Variants in TBC1D8 observed in about 807,000 individuals in gnomAD.
TBC1D8 encodes the protein TBC1 domain family member 8.
TBC1D8 carries 65 observed loss-of-function variants against 118.8 expected under a neutral mutation model. The observed-to-expected ratio is 0.55, with a 90% CI of 0.45 to 0.67. TBC1D8 has a LOEUF of 0.67. TBC1D8 is among the 30% of genes least tolerant of loss of function. The pLI is 0.00. For synonymous variants in TBC1D8, 566 were observed against 595.8 expected, an observed-to-expected ratio of 0.95 and a Z score of 0.73; for missense variants, 1,376 against 1,471.2, an observed-to-expected ratio of 0.94 and a Z score of 1.06.
chr2:101,080,122 G>A (rs1336753026), intron 2 of TBC1D8, among the ~76,000 whole-genome samples: 1 of 152,070 alleles, frequency 6.6e-6, no homozygotes, highest in Non-Finnish European at 1.5e-5. Flanking sequence ...GAATGCCTTG[G>A]ATGAGTGTAA....
chr2:101,144,442 C>T (rs1463123600), intron 1 of TBC1D8, among the ~76,000 whole-genome samples: 2 of 152,078 alleles, frequency 1.3e-5, no homozygotes, highest in African/African-American at 4.8e-5. Flanking sequence ...GAGAAAAGTG[C>T]CAACATGCTG....
chr2:101,013,940 G>C (rs1378780305), intron 17 of TBC1D8, among the ~76,000 whole-genome samples: 1 of 152,224 alleles, frequency 6.6e-6, no homozygotes, highest in Non-Finnish European at 1.5e-5. Context: ...AATTATAGCA[G>C]CGAGGCCCTG....
intron 17 of TBC1D8, among the ~76,000 whole-genome samples, chr2:101,013,949 T>G (rs1679425482): frequency 6.6e-6 from 1 of 152,228 alleles, no homozygotes; most frequent in Non-Finnish European, 1.5e-5. Flanking sequence ...AGCGAGGCCC[T>G]GCGCTTGGAT....
chr2:101,008,690 CA>C (rs1678938613), intron 19 of TBC1D8, among the ~76,000 whole-genome samples: 1 of 151,992 alleles, frequency 6.6e-6, no homozygotes. Context: ...CCCATGCCTG[CA>C]ATCCCAGCTA....
At chr2:101,042,546 A>G (rs956794532) in intron 5 of TBC1D8, among the ~76,000 whole-genome samples, 2 of 152,150 alleles carry the variant, frequency 1.3e-5, no homozygotes, top group East Asian at 3.9e-4. Flanking sequence ...TGAATCTAAA[A>G]TGATCCCCAC....
rs1053714722 is a variant in TBC1D8 at position 101,007,564 on chromosome 2, C to T, written c.*257G>A. 3 of 477,722 alleles carry T rather than the reference C, an allele frequency of 6.3e-6. No homozygotes were observed. The South Asian group carries it at 8.6e-5, about 14-fold the overall frequency. The allele number at this position is 477,722 out of a possible 1,614,324, so 29.6% of individuals were successfully genotyped here. A position where few individuals can be genotyped will look rare whatever the true frequency, so the allele number is the denominator to read the frequency against. ...AACACTAGCATCACAGCAGAAGTGC[C>T]CATTTCAGCAAATCCGGTAAAAATT... On this transcript the variant is annotated 3_prime_UTR_variant, in exon 20 of 20. Transcript: ENST00000409318.
chr2:101,028,039 G>A lies in TBC1D8; in HGVS notation c.2451+9C>T. On this transcript the variant is annotated intron_variant, in intron 14 of 19. Coordinates refer to ENST00000409318, the MANE Select transcript of TBC1D8 (RefSeq NM_001330348.2). ...CCGTGATCACCGGGGTGAGGCGTCT[G>A]CTACCCACCACGTTCTGCTTTGTGG... The A allele has an allele frequency of 6.2e-7, 1 of 1,613,586 alleles. No homozygotes were observed. Among genetic ancestry groups the A allele is most frequent in the Non-Finnish European group, 8.5e-7 (1 of 1,179,512 alleles).
At chr2:101,128,119 T>C (rs11679469) in intron 1 of TBC1D8, among the ~76,000 whole-genome samples, 19,784 of 152,236 alleles carry the variant, frequency 0.13, 1,447 homozygotes, top group East Asian at 0.28. Flanking sequence ...AATAGTCCTA[T>C]TCTTTCCCCC....
intron 2 of TBC1D8, among the ~76,000 whole-genome samples, chr2:101,081,349 T>C (rs1384664233): frequency 6.6e-6 from 1 of 152,158 alleles, no homozygotes; most frequent in East Asian, 1.9e-4. Flanking sequence ...GGCACTTTCC[T>C]TTCTTTCTGT....
At chr2:101,009,484 T>G (rs1471673339) in intron 19 of TBC1D8, among the ~76,000 whole-genome samples, 2 of 152,050 alleles carry the variant, frequency 1.3e-5, no homozygotes, top group East Asian at 3.9e-4. Context: ...CCATGGTTAT[T>G]CTGAAAGGAA....
intron 17 of TBC1D8, among the ~76,000 whole-genome samples, chr2:101,015,176 C>T (rs1331606026): frequency 3.3e-5 from 5 of 152,042 alleles, no homozygotes; most frequent in African/African-American, 1.2e-4. Context: ...GCAGCTGGAA[C>T]ACAATGGTAG....
chr2:101,054,852 T>C (rs1416094161), intron 3 of TBC1D8, among the ~76,000 whole-genome samples: 2 of 150,896 alleles, frequency 1.3e-5, no homozygotes, highest in South Asian at 2.1e-4. Flanking sequence ...TGGGCTAATT[T>C]TGTATTTTTA....
rs182640126 is a variant in TBC1D8, at chr2:101,130,060, G to A, written c.127+21067C>T. Among the ~76,000 whole-genome samples, 11 of 152,292 alleles carry A rather than the reference G, an allele frequency of 7.2e-5. No homozygotes were observed. In the East Asian group the frequency reaches 1.7e-3, roughly 24 times the overall value. On this transcript the variant is annotated intron_variant, in intron 1 of 19. Coordinates refer to ENST00000409318, the MANE Select transcript of TBC1D8 (RefSeq NM_001330348.2). Reference sequence around the variant, plus strand: ...TGGTGGGCTCCAAGATCCCAGCAACGACGTTCATCCAGCCATGACCCTCAG... The same window carrying A: ...TGGTGGGCTCCAAGATCCCAGCAACAACGTTCATCCAGCCATGACCCTCAG...
intron 17 of TBC1D8, among the ~76,000 whole-genome samples, chr2:101,014,336 A>G (rs896404561): frequency 1.2e-4 from 18 of 152,260 alleles, no homozygotes; most frequent in Admixed American, 3.9e-4. Context: ...CGAATCAAAC[A>G]TGTCTGGTAT....
chr2:101,102,376 C>T (rs1192845522), intron 1 of TBC1D8, among the ~76,000 whole-genome samples: 1 of 151,892 alleles, frequency 6.6e-6, no homozygotes, highest in Non-Finnish European at 1.5e-5. Flanking sequence ...ATTGCTTGAA[C>T]CTGGGAGGCA....
intron 17 of TBC1D8, among the ~76,000 whole-genome samples, chr2:101,020,378 A>G (rs993451593): frequency 2.6e-5 from 4 of 152,234 alleles, no homozygotes; most frequent in African/African-American, 9.6e-5. Flanking sequence ...CATGCCTTCT[A>G]TGTTAATAGA....
At chr2:101,142,982 A>C (rs1046121121) in intron 1 of TBC1D8, among the ~76,000 whole-genome samples, 2 of 152,176 alleles carry the variant, frequency 1.3e-5, no homozygotes, top group Non-Finnish European at 2.9e-5. Flanking sequence ...ACTAAGAAAC[A>C]AACCATAAAA....
At chr2:101,092,141 T>C (rs1676081093) in intron 1 of TBC1D8, among the ~76,000 whole-genome samples, 1 of 152,262 alleles carries the variant, frequency 6.6e-6, no homozygotes, top group Non-Finnish European at 1.5e-5. Flanking sequence ...CAAGTCTCTT[T>C]GGACTACGTG....
intron 1 of TBC1D8, among the ~76,000 whole-genome samples, chr2:101,137,662 A>G (rs1678916006): frequency 1.3e-5 from 2 of 152,220 alleles, no homozygotes; most frequent in African/African-American, 2.4e-5. Context: ...TTCTAACAAA[A>G]TACTAAATAC....
Sources: allele counts gnomAD v4.1 joint callset (sites outside exome capture counted in the v4.1 genomes callset), GRCh38; gene constraint gnomAD v4.1.1; transcripts MANE v1.5; gene names NCBI Gene and HGNC (gene_info 2026-07-23, HGNC 2026-07-21).